Variants in PRKCH observed in about 807,000 individuals in gnomAD.
PRKCH encodes the protein protein kinase C eta.
PRKCH carries 28 observed loss-of-function variants against 82.5 expected under a neutral mutation model. The ratio of observed to expected loss-of-function variants is 0.34; its 90% CI spans 0.25 to 0.47. The LOEUF (loss-of-function observed/expected upper bound fraction) is 0.47. PRKCH is among the 20% of genes least tolerant of loss of function. The pLI, the probability that PRKCH is intolerant of heterozygous loss-of-function variation, is 1.00. For synonymous variants in PRKCH, 322 were observed against 327.4 expected, an observed-to-expected ratio of 0.98 and a Z score of 0.18; for missense variants, 705 against 881.8, an observed-to-expected ratio of 0.80 and a Z score of 2.54.
chr14:61,391,266 C>T lies in PRKCH; in HGVS notation c.405C>T (p.Thr135=), dbSNP rs1217997609. 3 of 1,610,000 alleles carry T rather than the reference C, an allele frequency of 1.9e-6. No individual in the cohort carries two copies. Among genetic ancestry groups the T allele is most frequent in the Non-Finnish European group, 2.5e-6 (3 of 1,178,422 alleles). The change falls in exon 2 of 14, where the codon ACC becomes ACT. Residue 135 remains threonine, a synonymous_variant. Coordinates refer to ENST00000332981, the MANE Select transcript of PRKCH (RefSeq NM_006255.5). ...AGGGGAAAGTATTTGTGGTAATAAC[C>T]CTTACCGGGAGTTTCACTGAAGGTA... The part of the protein sequence containing the change: ...EPEGKVFVVI[T]LTGSFTEATL...
intron 1 of PRKCH, chr14:61,304,059 C>A (rs2140105906): frequency 6.6e-6 from 1 of 151,856 alleles, no homozygotes; most frequent in African/African-American, 2.4e-5. Flanking sequence ...CTACTGACTA[C>A]CATAGTAGTC....
At chr14:61,266,893 C>A (rs1476661707) in intron 1 of PRKCH, among the ~76,000 whole-genome samples, 1 of 151,900 alleles carries the variant, frequency 6.6e-6, no homozygotes, top group African/African-American at 2.4e-5. Flanking sequence ...TGATGGGAAA[C>A]AAGAAACACA....
intron 10 of PRKCH, among the ~76,000 whole-genome samples, chr14:61,489,673 A>G (rs1886376458): frequency 6.6e-6 from 1 of 152,212 alleles, no homozygotes; most frequent in Non-Finnish European, 1.5e-5. Context: ...CCAAGGGGAA[A>G]AAAAGAAGAC....
At chr14:61,322,639 T>G (rs923709298) in intron 1 of PRKCH, 175 bp downstream of exon 1, 1 of 858,590 alleles carries the variant, frequency 1.2e-6, no homozygotes, top group Admixed American at 3.0e-5. Flanking sequence ...GGTGGGTGTG[T>G]GCAGGCGCAG....
At chr14:61,296,934 TTTGTAACTCACATGA>T (rs1322564503) in intron 1 of PRKCH, among the ~76,000 whole-genome samples, 2 of 152,254 alleles carry the variant, frequency 1.3e-5, no homozygotes, top group Non-Finnish European at 2.9e-5. Flanking sequence ...AATATGATCA[TTTGTAACTCACATGA>T]TTGTAACTCA....
At chr14:61,524,372 C>T (rs989698742) in intron 10 of PRKCH, among the ~76,000 whole-genome samples, 1 of 152,214 alleles carries the variant, frequency 6.6e-6, no homozygotes, top group Non-Finnish European at 1.5e-5. Flanking sequence ...CCCTTCTATG[C>T]TTGCATGACA....
intron 1 of PRKCH, among the ~76,000 whole-genome samples, chr14:61,358,548 A>G (rs2046181368): frequency 6.6e-6 from 1 of 152,130 alleles, no homozygotes; most frequent in Non-Finnish European, 1.5e-5. Flanking sequence ...TCCAAGATGA[A>G]GCCACAGCCT....
intron 7 of PRKCH, among the ~76,000 whole-genome samples, chr14:61,455,937 A>G (rs761504238): frequency 1.6e-4 from 24 of 152,206 alleles, no homozygotes; most frequent in Non-Finnish European, 4.4e-5. Flanking sequence ...TAGAACTCTC[A>G]TCATGCTGGT....
At chr14:61,495,124 G>C (rs1886611534) in intron 10 of PRKCH, among the ~76,000 whole-genome samples, 1 of 152,204 alleles carries the variant, frequency 6.6e-6, no homozygotes, top group South Asian at 2.1e-4. Context: ...GGAGATTCAA[G>C]AACCTTTTCA....
Position 61,280,469 on chromosome 14 carries a change from G to A in PRKCH, c.-19+92801G>A, listed in dbSNP as rs779546549. On this transcript the variant is annotated intron_variant, in intron 1 of 3. Coordinates refer to the PRKCH transcript ENST00000555185. This position sits in a 1 kb window ranked among gnomAD's most constrained non-coding sequence, Gnocchi z 5.0. ...TCGTAGACTGGCCGGCGCCAGTTGG[G>A]CGGGGGCGCCGTGCCCTGGAAGGCC... 11 of 1,613,338 alleles carry A rather than the reference G, an allele frequency of 6.8e-6. No individual in the cohort carries two copies. The highest frequency in any genetic ancestry group is 9.3e-6 in the Non-Finnish European group (11 of 1,179,728).
At chr14:61,538,955 A>G (rs886344508) in intron 12 of PRKCH, among the ~76,000 whole-genome samples, 7 of 152,248 alleles carry the variant, frequency 4.6e-5, no homozygotes, top group Admixed American at 4.6e-4. Flanking sequence ...TTCAGTAGCT[A>G]CATTTGGGGA....
At chr14:61,400,129 A>G (rs1881533043) in intron 2 of PRKCH, among the ~76,000 whole-genome samples, 2 of 152,260 alleles carry the variant, frequency 1.3e-5, no homozygotes, top group South Asian at 4.2e-4. Flanking sequence ...TCTTGTCTCA[A>G]GCCCACTGGT....
At chr14:61,445,567 T>A in intron 3 of PRKCH, 125 bp from the exon 4 acceptor site, 2 of 868,388 alleles carry the variant, frequency 2.3e-6, no homozygotes, top group Admixed American at 3.9e-5. Flanking sequence ...GCACATGATC[T>A]TTGCTTCTTC....
intron 2 of PRKCH, among the ~76,000 whole-genome samples, chr14:61,441,368 A>G (rs1883963509): frequency 6.6e-6 from 1 of 152,182 alleles, no homozygotes; most frequent in South Asian, 2.1e-4. Flanking sequence ...TGGTAGGGTC[A>G]GGACTGGAGC....
chr14:61,491,391 C>T (rs1886444608), intron 10 of PRKCH, among the ~76,000 whole-genome samples: 1 of 152,158 alleles, frequency 6.6e-6, no homozygotes. Context: ...TTATTCAGTA[C>T]ATGCCAGCCA....
At chr14:61,376,713 A>G (rs532483986) in intron 1 of PRKCH, among the ~76,000 whole-genome samples, 2 of 152,176 alleles carry the variant, frequency 1.3e-5, no homozygotes, top group South Asian at 4.2e-4. Context: ...ACACCCCTCT[A>G]GTTTGTCCTC....
At chr14:61,201,892 C>A (rs1179019477) in intron 1 of PRKCH, among the ~76,000 whole-genome samples, 1 of 152,030 alleles carries the variant, frequency 6.6e-6, no homozygotes. Flanking sequence ...AAGTGAAAAC[C>A]AGTTACCTAC....
intron 5 of PRKCH, among the ~76,000 whole-genome samples, 160 bp from the exon 6 acceptor site, chr14:61,450,682 G>A (rs983253549): frequency 1.3e-5 from 2 of 152,154 alleles, no homozygotes; most frequent in African/African-American, 2.4e-5. Flanking sequence ...AGTCTGGTTC[G>A]TAAGACCTGA....
chr14:61,244,828 A>G (rs2044866982), intron 1 of PRKCH, among the ~76,000 whole-genome samples: 1 of 152,366 alleles, frequency 6.6e-6, no homozygotes, highest in Non-Finnish European at 1.5e-5. Flanking sequence ...GAATACAACA[A>G]GAAGAAACTT....
Sources: allele counts gnomAD v4.1 joint callset (sites outside exome capture counted in the v4.1 genomes callset), GRCh38; gene constraint gnomAD v4.1.1; non-coding constraint Gnocchi (gnomAD v3.1); transcripts MANE v1.5; gene names NCBI Gene and HGNC (gene_info 2026-07-23, HGNC 2026-07-21).